The following DOCK3 variants were observed in gnomAD, a reference collection of about 807,000 sequenced individuals.
The protein encoded by DOCK3 is dedicator of cytokinesis protein 3.
In DOCK3, 60 loss-of-function variants were observed where a neutral mutation model predicts 265.6. The observed-to-expected ratio is 0.23, with a 90% CI of 0.18 to 0.28. DOCK3 has a LOEUF of 0.28. DOCK3 is among the 10% of genes least tolerant of loss of function. The pLI is 1.00. For missense variants in DOCK3, 1,981 were observed against 2,594.3 expected (o/e 0.76, Z 5.14); for synonymous variants, 881 against 938.0 (o/e 0.94, Z 1.11).
intron 3 of DOCK3, among the ~76,000 whole-genome samples, chr3:50,885,367 T>C (rs1412205335): frequency 1.1e-5 from 1 of 93,996 alleles, no homozygotes; most frequent in Non-Finnish European, 2.1e-5. Context: ...GTATGCAGTT[T>C]TTTTTTTTTT....
intron 2 of DOCK3, among the ~76,000 whole-genome samples, chr3:50,831,124 G>T (rs2045122823): frequency 6.6e-6 from 1 of 151,896 alleles, no homozygotes; most frequent in South Asian, 2.1e-4. Context: ...GACAACCAGA[G>T]GTCATTTTCA....
At chr3:51,310,365 G>C (rs1408423463) in intron 28 of DOCK3, 39 bp downstream of exon 28, 2 of 1,482,494 alleles carry the variant, frequency 1.3e-6, no homozygotes, top group Non-Finnish European at 1.9e-6. Flanking sequence ...TCACTGAGCT[G>C]TTCTCAGACT....
intron 12 of DOCK3, among the ~76,000 whole-genome samples, chr3:51,201,110 C>T (rs1221165455): frequency 5.9e-5 from 9 of 151,400 alleles, no homozygotes; most frequent in African/African-American, 1.9e-4. Flanking sequence ...GAAGAAACTG[C>T]ATCAACTAAT....
chr3:50,705,542 A>G (rs2036351375), intron 1 of DOCK3, among the ~76,000 whole-genome samples: 1 of 152,084 alleles, frequency 6.6e-6, no homozygotes, highest in African/African-American at 2.4e-5. Flanking sequence ...CAGCCTCCCA[A>G]GTAGCTGAGA....
intron 5 of DOCK3, among the ~76,000 whole-genome samples, chr3:50,957,753 T>A (rs773550398): frequency 6.6e-6 from 1 of 152,206 alleles, no homozygotes; most frequent in Non-Finnish European, 1.5e-5. Context: ...CCAGAAACCT[T>A]CTGGTACATG....
chr3:50,997,307 A>G (rs770619237), intron 5 of DOCK3, among the ~76,000 whole-genome samples: 10 of 152,220 alleles, frequency 6.6e-5, no homozygotes, highest in Non-Finnish European at 1.5e-4. Context: ...TATATTAAAT[A>G]AAAAGCAAAT....
chr3:51,068,667 G>T (rs1470226714), intron 6 of DOCK3, among the ~76,000 whole-genome samples: 1 of 152,064 alleles, frequency 6.6e-6, no homozygotes, highest in African/African-American at 2.4e-5. Context: ...ATGGTGGAAG[G>T]GTAGAGCTGG....
At chr3:50,676,864 C>G (rs1170280524) in intron 1 of DOCK3, among the ~76,000 whole-genome samples, 1 of 152,164 alleles carries the variant, frequency 6.6e-6, no homozygotes, top group African/African-American at 2.4e-5. Flanking sequence ...GTTTACCTAT[C>G]TTACAGGATT....
At chr3:51,170,926 A>G (rs1322239534) in intron 12 of DOCK3, among the ~76,000 whole-genome samples, 2 of 147,676 alleles carry the variant, frequency 1.4e-5, no homozygotes, top group Non-Finnish European at 3.0e-5. Context: ...CTGGCCACAG[A>G]GCAAGACTCC....
intron 11 of DOCK3, among the ~76,000 whole-genome samples, chr3:51,160,278 T>A (rs538075722): frequency 6.6e-6 from 1 of 152,392 alleles, no homozygotes; most frequent in South Asian, 2.1e-4. Context: ...ATAAAATCAC[T>A]TTTATTCTCA....
At chr3:50,709,283 G>GT (rs894948888) in intron 1 of DOCK3, among the ~76,000 whole-genome samples, 16 of 151,350 alleles carry the variant, frequency 1.1e-4, no homozygotes, top group Middle Eastern at 3.4e-3. Context: ...AATTCTAATA[G>GT]TTTTTTTTTA....
chr3:50,863,514 C>A, intron 3 of DOCK3: 1 of 496,102 alleles, frequency 2.0e-6, no homozygotes, highest in Non-Finnish European at 4.0e-6. Context: ...CATGAGACTC[C>A]AGTTTTCCAG....
At chr3:51,029,688 A>G (rs2079968794) in intron 5 of DOCK3, among the ~76,000 whole-genome samples, 2 of 152,110 alleles carry the variant, frequency 1.3e-5, no homozygotes, top group South Asian at 4.1e-4. Flanking sequence ...TTATATCTCC[A>G]GGGGACCCAC....
intron 22 of DOCK3, among the ~76,000 whole-genome samples, chr3:51,253,996 G>A (rs1040741502): frequency 1.3e-5 from 2 of 152,210 alleles, no homozygotes; most frequent in Admixed American, 6.5e-5. Context: ...TTTCTCCTGT[G>A]GGCATTTGGT....
intron 1 of DOCK3, among the ~76,000 whole-genome samples, chr3:50,706,437 A>C (rs1031528445): frequency 6.6e-6 from 1 of 152,028 alleles, no homozygotes; most frequent in African/African-American, 2.4e-5. Context: ...CAGGCCTGTG[A>C]GGTTTTTGCT....
intron 3 of DOCK3, among the ~76,000 whole-genome samples, chr3:50,878,458 A>T (rs1006212765): frequency 1.3e-5 from 2 of 152,234 alleles, no homozygotes; most frequent in African/African-American, 4.8e-5. Context: ...GCTGAAAACC[A>T]TGGCACGAGA....
chr3:50,959,619 G>A (rs941956281), intron 5 of DOCK3, among the ~76,000 whole-genome samples: 1 of 150,832 alleles, frequency 6.6e-6, no homozygotes, highest in South Asian at 2.1e-4. Flanking sequence ...TCACTCTGTC[G>A]CCCAGGCTGG....
intron 1 of DOCK3, among the ~76,000 whole-genome samples, chr3:50,720,175 C>T (rs1200592102): frequency 6.6e-6 from 1 of 151,968 alleles, no homozygotes; most frequent in Non-Finnish European, 1.5e-5. Context: ...GGTACATGTG[C>T]ACATTTTTTA....
intron 12 of DOCK3, among the ~76,000 whole-genome samples, chr3:51,164,451 T>TGTAAAAATAC (rs2086283478): frequency 6.6e-6 from 1 of 151,878 alleles, no homozygotes. Flanking sequence ...TGAAACCCCG[T>TGTAAAAATAC]CTCTAGTAAA....
Sources: gnomAD v4.1 joint callset for allele counts (sites outside exome capture counted in the v4.1 genomes callset) on GRCh38, gnomAD v4.1.1 for gene constraint, MANE v1.5 for transcripts, NCBI Gene and HGNC (gene_info 2026-07-23, HGNC 2026-07-21) for gene names.